ZFC3H1: variants seen among roughly 807,000 people sequenced by gnomAD.
ZFC3H1 encodes zinc finger C3H1-type containing, also known as zinc finger C3H1 domain-containing protein.
Under a neutral mutation model 243.7 loss-of-function variants are expected in ZFC3H1, and 71 were observed. That is an observed-to-expected ratio of 0.29 (90% confidence interval 0.24 to 0.36). The LOEUF (loss-of-function observed/expected upper bound fraction) is 0.36, where lower values mean the gene tolerates loss of function less well. Among genes scored for constraint, ZFC3H1 ranks in the 10% least tolerant of loss-of-function variants. The probability of loss-of-function intolerance (pLI) is 1.00; values close to 1 mark genes in which losing one functional copy is unlikely to be tolerated. For synonymous variants in ZFC3H1, 838 were observed against 813.0 expected (o/e 1.03, Z -0.52); for missense variants, 1,966 against 2,317.1 (o/e 0.85, Z 3.11).
At chr12:71,634,374 T>C in intron 11 of ZFC3H1, 70 bp from the exon 12 acceptor site, 1 of 1,492,574 alleles carries the variant, frequency 6.7e-7, no homozygotes, top group Non-Finnish European at 9.1e-7. Context: ...AAATGTATTC[T>C]ATTTCATGCA....
In ZFC3H1 at chr12:71,629,591, A is replaced by T. The variant is rs767031444; in HGVS notation, c.3826+18T>A. ...CACACACACACACACACACACACAC[A>T]CTTATATATGTACTTACTATGACCT... On this transcript the variant is annotated intron_variant, in intron 19 of 34. Coordinates refer to ENST00000378743, the MANE Select transcript of ZFC3H1 (RefSeq NM_144982.5). The T allele has an allele frequency of 1.2e-5, 18 of 1,481,540 alleles. No homozygotes were observed. The highest frequency in any genetic ancestry group is 3.5e-4 in the Middle Eastern group (2 of 5,746). 91.8% of individuals were successfully genotyped at this position (1,481,540 alleles called of 1,614,324 possible).
At chr12:71,661,360 G>A (rs971751347) in intron 1 of ZFC3H1, among the ~76,000 whole-genome samples, 3 of 151,988 alleles carry the variant, frequency 2.0e-5, no homozygotes, top group Admixed American at 6.6e-5. Flanking sequence ...TAGCCTTTCT[G>A]GCTTTTGGAT....
At chr12:71,630,535 T>C (rs1880296978) in intron 18 of ZFC3H1, 65 bp downstream of exon 18, 3 of 1,552,750 alleles carry the variant, frequency 1.9e-6, no homozygotes, top group African/African-American at 1.4e-5. Flanking sequence ...CAACAACTAA[T>C]ATAGAATTTT....
chr12:71,656,505 C>T (rs1024919135), intron 2 of ZFC3H1: 4 of 658,080 alleles, frequency 6.1e-6, no homozygotes, highest in African/African-American at 3.6e-5. Context: ...CATCCATTCA[C>T]GCTGAAAATT....
At chr12:71,642,146 G>A (rs564073988) in intron 6 of ZFC3H1, among the ~76,000 whole-genome samples, 3 of 152,130 alleles carry the variant, frequency 2.0e-5, no homozygotes, top group South Asian at 4.1e-4. Flanking sequence ...CACTGCACCC[G>A]GCCCAATCTT....
intron 1 of ZFC3H1, among the ~76,000 whole-genome samples, chr12:71,662,491 T>A (rs1881206425): frequency 7.1e-6 from 1 of 140,078 alleles, no homozygotes. Flanking sequence ...GTTTTTTTTT[T>A]ACCCCTCCCC....
chr12:71,621,506 G>A (rs966095198), intron 24 of ZFC3H1, among the ~76,000 whole-genome samples: 3 of 152,028 alleles, frequency 2.0e-5, no homozygotes, highest in African/African-American at 4.8e-5. Flanking sequence ...GTTTCACCAC[G>A]TTGGCCAGGC....
chr12:71,631,939 A>G (rs376473388), intron 15 of ZFC3H1, 33 bp downstream of exon 15: 2 of 1,603,522 alleles, frequency 1.2e-6, no homozygotes, highest in Non-Finnish European at 1.7e-6. Flanking sequence ...GGTGAATTCC[A>G]GATTTTAAAG....
chr12:71,632,837 T>A, intron 14 of ZFC3H1, 49 bp downstream of exon 14: 7 of 1,596,052 alleles, frequency 4.4e-6, no homozygotes, highest in Non-Finnish European at 5.1e-6. Context: ...AAAACTATCA[T>A]AAAAACTTTC....
At chr12:71,652,766 G>T (rs1475470988) in intron 2 of ZFC3H1, among the ~76,000 whole-genome samples, 1 of 152,078 alleles carries the variant, frequency 6.6e-6, no homozygotes, top group Non-Finnish European at 1.5e-5. Flanking sequence ...TTGAAGAGGG[G>T]AAAGAAAGGC....
At chr12:71,611,162 C>T in intron 32 of ZFC3H1, 65 bp from the exon 33 acceptor site, 4 of 1,414,460 alleles carry the variant, frequency 2.8e-6, no homozygotes, top group Non-Finnish European at 3.7e-6. Flanking sequence ...TATCTTTGAA[C>T]AAAATGAAAC....
chr12:71,637,160 T>C (rs1298149073), intron 7 of ZFC3H1, 101 bp from the exon 8 acceptor site: 1 of 1,033,688 alleles, frequency 9.7e-7, no homozygotes, highest in African/African-American at 1.6e-5. Flanking sequence ...CTTTACATTA[T>C]TATTTTAGCT....
chr12:71,629,775 G>T, intron 18 of ZFC3H1, 65 bp from the exon 19 acceptor site: 1 of 1,043,038 alleles, frequency 9.6e-7, no homozygotes, highest in Non-Finnish European at 1.5e-6. Context: ...TAATTAAAAT[G>T]TATGACGTGA....
At position 71,624,147 on chromosome 12, in the gene ZFC3H1, T is replaced by C. The variant is rs750316965; in HGVS notation, c.4463A>G (p.His1488Arg). The change falls in exon 23 of 35, where the codon CAC (histidine) becomes CGC (arginine). Residue 1488 changes from histidine to arginine, a missense_variant. His to Arg is a conservative substitution (Grantham distance 29). Transcript: ENST00000378743. Reference sequence around the variant, plus strand: ...ACTTTGGCATCTTCCAGTAAATATGTGCAGCTGAACTCTAAACAAAAGAGC... The same window carrying C: ...ACTTTGGCATCTTCCAGTAAATATGCGCAGCTGAACTCTAAACAAAAGAGC... ...LEALLFRVQL[H>R]IFTGRCQSAL... 3 of 1,613,808 alleles carry C rather than the reference T, an allele frequency of 1.9e-6. No individual in the cohort carries two copies. The highest frequency in any genetic ancestry group is 2.7e-5 in the African/African-American group (2 of 75,024).
rs1880373209 is a variant in ZFC3H1 at position 71,633,372 on chromosome 12, T to C, written c.2577A>G (p.Glu859=). The C allele has an allele frequency of 6.2e-7, 1 of 1,600,408 alleles. No homozygotes were observed. ...TCTTTGCTTCAGCATTTCTAACAGA[T>C]TCTTTCTTCTTAGCTTCTTGTTGCA... is the stretch of plus-strand genomic sequence containing the variant. ...NLVQQEAKKK[E]SVRNAEAKIT... The change falls in exon 13 of 35, where the codon GAA becomes GAG. Residue 859 remains glutamate (E), a synonymous_variant. Coordinates refer to ENST00000378743, the MANE Select transcript of ZFC3H1 (RefSeq NM_144982.5).
intron 13 of ZFC3H1, 84 bp from the exon 14 acceptor site, chr12:71,633,101 A>G: frequency 1.4e-6 from 2 of 1,450,672 alleles, no homozygotes; most frequent in Non-Finnish European, 1.8e-6. Flanking sequence ...GTGGCTTTTG[A>G]GCATTCAACT....
Position 71,628,962 on chromosome 12 carries a change from C to G in ZFC3H1, c.3902G>C (p.Ser1301Thr). ...KFWRKPISDN[S>T]FSSDEEQSTG... ...AGACTGTTCCTCATCACTACTGAAGCTATTATCTGAAATAGGTTTTCTCCA... is the reference window on the plus strand; with the variant it reads ...AGACTGTTCCTCATCACTACTGAAGGTATTATCTGAAATAGGTTTTCTCCA... The change falls in exon 20 of 35, where the codon AGC (serine) becomes ACC (threonine). Residue 1301 changes from serine to threonine, a missense_variant. Ser to Thr is a moderately conservative substitution (Grantham distance 58). Transcript: ENST00000378743. The G allele has an allele frequency of 1.2e-6, 2 of 1,613,124 alleles. No individual in the cohort carries two copies. Among genetic ancestry groups the G allele is most frequent in the South Asian group, 1.1e-5 (1 of 90,950 alleles).
In ZFC3H1 at chr12:71,627,821, C is replaced by T. The variant is rs1880208154; in HGVS notation, c.4060G>A (p.Val1354Met). 3.7e-6 allele frequency: 6 copies of T among 1,613,832 alleles called. No individual in the cohort carries two copies. Among genetic ancestry groups the T allele is most frequent in the Non-Finnish European group, 5.1e-6 (6 of 1,179,900 alleles). ...TGTACATGAGAAGGATTTTCAAGCA[C>T]ACTTGCTTCTAAATTAGCGATGTCA... ...TDDIANLEASVLENPSHVQLW... is the reference protein window; with the variant it reads ...TDDIANLEASMLENPSHVQLW... The change falls in exon 21 of 35, where the codon GTG (valine) becomes ATG (methionine). Residue 1354 changes from valine (V) to methionine (M), a missense_variant. Val to Met is a conservative substitution (Grantham distance 21). This residue lies in a region of ZFC3H1 where 1,383 missense variants were observed against 1,723.7 expected (regional missense o/e 0.80). Transcript: ENST00000378743.
intron 3 of ZFC3H1, 122 bp from the exon 4 acceptor site, chr12:71,645,197 A>T: frequency 1.2e-6 from 1 of 863,800 alleles, no homozygotes; most frequent in East Asian, 2.7e-5. Context: ...CAAGGCAAAT[A>T]CAGATAAAAT....
Sources: allele counts gnomAD v4.1 joint callset (sites outside exome capture counted in the v4.1 genomes callset), GRCh38; gene constraint gnomAD v4.1.1; regional missense constraint gnomAD v4.1.1; transcripts MANE v1.5; gene names NCBI Gene and HGNC (gene_info 2026-07-23, HGNC 2026-07-21).